Variants in ADAMTS12 observed in about 807,000 individuals in gnomAD.
ADAMTS12 encodes the protein A disintegrin and metalloproteinase with thrombospondin motifs 12.
In ADAMTS12, 118 loss-of-function variants were observed where a neutral mutation model predicts 167.8. The observed-to-expected ratio is 0.70, with a 90% CI of 0.61 to 0.82. The LOEUF (loss-of-function observed/expected upper bound fraction) is 0.82, where lower values mean the gene tolerates loss of function less well. Among genes scored for constraint, ADAMTS12 ranks in the 40% least tolerant of loss-of-function variants. The pLI is 0.00. For synonymous variants in ADAMTS12, 704 were observed against 716.9 expected (o/e 0.98, Z 0.29); for missense variants, 1,916 against 1,998.8 (o/e 0.96, Z 0.79).
At chr5:33,588,552 G>A in intron 18 of ADAMTS12, 47 bp downstream of exon 18, 2 of 1,597,042 alleles carry the variant, frequency 1.3e-6, no homozygotes, top group Non-Finnish European at 1.7e-6. Flanking sequence ...GGCAGGGGCT[G>A]ATGAAGCTTG....
At chr5:33,823,650 TG>T (rs1194367697) in intron 2 of ADAMTS12, among the ~76,000 whole-genome samples, 1 of 99,430 alleles carries the variant, frequency 1.0e-5, no homozygotes, top group African/African-American at 3.8e-5. Context: ...TAACATTTTC[TG>T]CCTTTTTTTT....
intron 11 of ADAMTS12, among the ~76,000 whole-genome samples, chr5:33,639,366 T>C (rs964245342): frequency 4.6e-5 from 7 of 152,110 alleles, no homozygotes; most frequent in Admixed American, 1.3e-4. Flanking sequence ...ATGAGCTATA[T>C]AAGAAATGAG....
At chr5:33,684,676 A>G (rs189607453) in intron 3 of ADAMTS12, among the ~76,000 whole-genome samples, 6 of 152,342 alleles carry the variant, frequency 3.9e-5, no homozygotes, top group Admixed American at 1.3e-4. Flanking sequence ...TTCCACTTGA[A>G]GAAGGCACAA....
At chr5:33,726,247 G>A (rs1383966176) in intron 3 of ADAMTS12, among the ~76,000 whole-genome samples, 1 of 152,166 alleles carries the variant, frequency 6.6e-6, no homozygotes, top group Non-Finnish European at 1.5e-5. Flanking sequence ...CCACTTCCTT[G>A]CCTCGGTGAG....
chr5:33,765,049 A>C (rs1745483253), intron 2 of ADAMTS12, among the ~76,000 whole-genome samples: 1 of 152,252 alleles, frequency 6.6e-6, no homozygotes, highest in South Asian at 2.1e-4. Flanking sequence ...GGAAAGGTTG[A>C]TTTAAAGTAT....
At chr5:33,779,048 G>A (rs372378490) in intron 2 of ADAMTS12, among the ~76,000 whole-genome samples, 2 of 152,068 alleles carry the variant, frequency 1.3e-5, no homozygotes, top group South Asian at 2.1e-4. Context: ...ACCCTTGCAC[G>A]CTGTTAGTGG....
intron 3 of ADAMTS12, among the ~76,000 whole-genome samples, chr5:33,694,521 G>A (rs1460300095): frequency 1.3e-5 from 2 of 152,184 alleles, no homozygotes; most frequent in Admixed American, 1.3e-4. Flanking sequence ...GAAGGTACCT[G>A]ACTGGTAAAA....
chr5:33,880,944 A>G, intron 2 of ADAMTS12, 175 bp downstream of exon 2: 2 of 894,008 alleles, frequency 2.2e-6, no homozygotes, highest in Non-Finnish European at 3.3e-6. Context: ...TCTCAAGTCG[A>G]TCTCTTTTAT....
chr5:33,604,533 A>G lies in ADAMTS12; in HGVS notation c.2528-8473T>C, dbSNP rs1274023422. ...AAAAAAAAAGAAAAGAAAAGAAAAG[A>G]AAGAACAACCCCCCACCACCCCCCT... is the stretch of plus-strand genomic sequence containing the variant. On this transcript the variant is annotated intron_variant, in intron 16 of 23. Transcript: ENST00000504830. 2.6e-5 allele frequency among the ~76,000 whole-genome samples: 4 copies of G among 151,582 alleles called. No individual in the cohort carries two copies. In the East Asian group the frequency reaches 5.8e-4, roughly 22 times the overall value.
chr5:33,884,412 G>C (rs1056712156), intron 1 of ADAMTS12, among the ~76,000 whole-genome samples: 1 of 152,144 alleles, frequency 6.6e-6, no homozygotes, highest in Non-Finnish European at 1.5e-5. Context: ...ACTCCTGGCC[G>C]TGCTTTTGGT....
intron 3 of ADAMTS12, among the ~76,000 whole-genome samples, chr5:33,720,102 T>C (rs951055032): frequency 6.6e-6 from 1 of 151,988 alleles, no homozygotes; most frequent in Non-Finnish European, 1.5e-5. Context: ...TATAAAAACA[T>C]CCAGACATCC....
chr5:33,824,467 G>A (rs983100564), intron 2 of ADAMTS12, among the ~76,000 whole-genome samples: 1 of 152,114 alleles, frequency 6.6e-6, no homozygotes, highest in Non-Finnish European at 1.5e-5. Flanking sequence ...AGGCTTCAAT[G>A]GAGCAAGTTA....
chr5:33,605,118 C>T (rs77926777), intron 16 of ADAMTS12, among the ~76,000 whole-genome samples: 3,232 of 152,322 alleles, frequency 0.021, 42 homozygotes, highest in African/African-American at 0.049. Context: ...CATTTGGCTA[C>T]TTACCCAACG....
intron 2 of ADAMTS12, among the ~76,000 whole-genome samples, chr5:33,833,083 G>A (rs1470173460): frequency 6.6e-6 from 1 of 152,206 alleles, no homozygotes; most frequent in Non-Finnish European, 1.5e-5. Flanking sequence ...AAACTTGTGA[G>A]TCACTGCTGC....
chr5:33,874,433 A>G (rs1219349106), intron 2 of ADAMTS12, among the ~76,000 whole-genome samples: 3 of 152,316 alleles, frequency 2.0e-5, no homozygotes, highest in African/African-American at 7.2e-5. Context: ...ACAATACCAA[A>G]TGCTGGCAAA....
chr5:33,781,281 A>G (rs1746116897), intron 2 of ADAMTS12, among the ~76,000 whole-genome samples: 3 of 152,152 alleles, frequency 2.0e-5, no homozygotes, highest in Admixed American at 2.0e-4. Context: ...ATGTATATAT[A>G]CACGCATATC....
chr5:33,647,734 CAAACAAACAA>C (rs1168549046), intron 9 of ADAMTS12, among the ~76,000 whole-genome samples: 7 of 100,158 alleles, frequency 7.0e-5, no homozygotes, highest in Admixed American at 2.1e-4. Flanking sequence ...CTGTCTCAAA[CAAACAAACAA>C]AAACAAACAA....
chr5:33,854,729 C>A (rs931470364), intron 2 of ADAMTS12, among the ~76,000 whole-genome samples: 35 of 152,132 alleles, frequency 2.3e-4, no homozygotes, highest in Middle Eastern at 3.2e-3. Flanking sequence ...GGAGAAAAAA[C>A]CATTCCTATT....
chr5:33,861,336 T>C (rs1269356486), intron 2 of ADAMTS12, among the ~76,000 whole-genome samples: 1 of 152,086 alleles, frequency 6.6e-6, no homozygotes, highest in African/African-American at 2.4e-5. Context: ...TGGAGGAATA[T>C]TTGCCAAGCA....
Sources: gnomAD v4.1 joint callset for allele counts (sites outside exome capture counted in the v4.1 genomes callset) on GRCh38, gnomAD v4.1.1 for gene constraint, MANE v1.5 for transcripts, NCBI Gene and HGNC (gene_info 2026-07-23, HGNC 2026-07-21) for gene names.